MTUS1: variants seen among roughly 807,000 people sequenced by gnomAD.
The protein encoded by MTUS1 is microtubule-associated tumor suppressor 1.
MTUS1 carries 109 observed loss-of-function variants against 120.8 expected under a neutral mutation model. The observed-to-expected ratio is 0.90, with a 90% CI of 0.77 to 1.06. The LOEUF is 1.06. MTUS1 is among the 50% of genes least tolerant of loss of function. The probability of loss-of-function intolerance (pLI) is 0.00; values close to 1 mark genes in which losing one functional copy is unlikely to be tolerated. For synonymous variants in MTUS1, 737 were observed against 550.5 expected, an observed-to-expected ratio of 1.34 and a Z score of -4.74; for missense variants, 2,210 against 1,486.3, an observed-to-expected ratio of 1.49 and a Z score of -8.01.
intron 6 of MTUS1, among the ~76,000 whole-genome samples, chr8:17,708,293 T>A (rs1319957367): frequency 6.6e-6 from 1 of 152,220 alleles, no homozygotes; most frequent in Non-Finnish European, 1.5e-5. Context: ...GGCAAATGAT[T>A]TGAATAGACA....
Position 17,723,802 on chromosome 8 carries a change from C to A in MTUS1, c.2319G>T (p.Ser773=). The change falls in exon 4 of 15, where the codon TCG becomes TCT. Residue 773 remains serine (S), a synonymous_variant. Transcript: ENST00000693296. The part of the protein sequence containing the change: ...GKPTSLKTAQ[S]SWVNLPRPLP... Reference sequence around the variant, plus strand: ...GTGGTCTAGGCAAATTCACCCATGACGACTGTGCAGTTTTCAAGGATGTAG... The same window carrying A: ...GTGGTCTAGGCAAATTCACCCATGAAGACTGTGCAGTTTTCAAGGATGTAG... 1 of 1,603,088 alleles carries A rather than the reference C, an allele frequency of 6.2e-7. No individual in the cohort carries two copies. The highest frequency in any genetic ancestry group is 8.5e-7 in the Non-Finnish European group (1 of 1,174,254).
intron 2 of MTUS1, among the ~76,000 whole-genome samples, chr8:17,749,610 G>A (rs187193322): frequency 2.7e-5 from 4 of 146,460 alleles, no homozygotes; most frequent in East Asian, 2.0e-4. Context: ...GCAGTGAGCC[G>A]AGAGATCACA....
chr8:17,744,873 G>A (rs2047626033), intron 2 of MTUS1, among the ~76,000 whole-genome samples: 1 of 151,880 alleles, frequency 6.6e-6, no homozygotes, highest in African/African-American at 2.4e-5. Flanking sequence ...GTAAATCTTT[G>A]AATCCACCTA....
intron 12 of MTUS1, among the ~76,000 whole-genome samples, chr8:17,652,500 A>G (rs1344796332): frequency 6.6e-6 from 1 of 151,988 alleles, no homozygotes; most frequent in African/African-American, 2.4e-5. Flanking sequence ...AATTTGGGGG[A>G]ATGGGGAGTG....
At position 17,656,085 on chromosome 8, in the gene MTUS1, A is replaced by T; in HGVS notation, c.2906-20T>A. The T allele has an allele frequency of 6.2e-7, 1 of 1,607,008 alleles. No homozygotes were observed. The highest frequency in any genetic ancestry group is 1.7e-4 in the Middle Eastern group (1 of 6,048). ...CAGTGACTGAAAACAGAGGAGAAAG[A>T]AGAGGGAAGAGGTCATTTTATTTGT... On this transcript the variant is annotated intron_variant, in intron 8 of 14. Coordinates refer to ENST00000693296, the MANE Select transcript of MTUS1 (RefSeq NM_001363059.2).
intron 8 of MTUS1, among the ~76,000 whole-genome samples, chr8:17,662,982 A>G (rs1810093737): frequency 2.0e-5 from 3 of 152,066 alleles, no homozygotes; most frequent in Admixed American, 6.6e-5. Flanking sequence ...CAGTATTTTC[A>G]CTCTGCAATG....
chr8:17,681,319 C>T (rs908274984), intron 7 of MTUS1, among the ~76,000 whole-genome samples: 2 of 152,134 alleles, frequency 1.3e-5, no homozygotes, highest in Non-Finnish European at 2.9e-5. Flanking sequence ...TAAAACCGAC[C>T]TGAACATGTA....
At chr8:17,740,278 T>A (rs2047216411) in intron 3 of MTUS1, among the ~76,000 whole-genome samples, 2 of 152,172 alleles carry the variant, frequency 1.3e-5, no homozygotes, top group South Asian at 4.1e-4. Context: ...CCTTCTCACA[T>A]TCATTTTAAA....
At chr8:17,714,966 C>T (rs1326148998) in intron 5 of MTUS1, among the ~76,000 whole-genome samples, 4 of 122,294 alleles carry the variant, frequency 3.3e-5, no homozygotes, top group African/African-American at 6.3e-5. Context: ...AGTGCAGTGG[C>T]GCGATCTCGG....
intron 1 of MTUS1, among the ~76,000 whole-genome samples, chr8:17,767,706 A>AAAAAAAAAAAAAAACAAACAAACAAAC (rs1563357967): frequency 1.3e-4 from 19 of 150,808 alleles, no homozygotes; most frequent in African/African-American, 4.4e-4. Flanking sequence ...CTCTTAAAAA[A>AAAAAAAAAAAAAAACAAACAAACAAAC]AAAAAAAAAA....
At chr8:17,680,462 C>T (rs557018327) in intron 7 of MTUS1, among the ~76,000 whole-genome samples, 4,653 of 92,072 alleles carry the variant, frequency 0.051, 289 homozygotes, top group East Asian at 0.21. Flanking sequence ...AGGCCACTGT[C>T]GCAAAAAAAA....
At chr8:17,680,941 C>CTT (rs148648178) in intron 7 of MTUS1, among the ~76,000 whole-genome samples, 1 of 149,156 alleles carries the variant, frequency 6.7e-6, no homozygotes, top group Admixed American at 6.7e-5. Flanking sequence ...TGCTTTTTTT[C>CTT]TTTTTTTTTT....
chr8:17,778,084 T>G (rs385139), intron 1 of MTUS1, among the ~76,000 whole-genome samples: 5 of 151,980 alleles, frequency 3.3e-5, no homozygotes, highest in African/African-American at 1.2e-4. Context: ...GTTATTAAAC[T>G]AGGAAGAAAA....
chr8:17,660,124 G>A (rs930226284), intron 8 of MTUS1, among the ~76,000 whole-genome samples: 3 of 152,150 alleles, frequency 2.0e-5, no homozygotes, highest in African/African-American at 7.2e-5. Context: ...TGTAATCCCA[G>A]CATTTTGGGA....
At chr8:17,676,460 G>A in intron 7 of MTUS1, 1 of 635,416 alleles carries the variant, frequency 1.6e-6, no homozygotes, top group Non-Finnish European at 2.9e-6. Flanking sequence ...TGGCCCTCGG[G>A]CGTCTTACTT....
intron 12 of MTUS1, among the ~76,000 whole-genome samples, chr8:17,652,377 G>A (rs1484209205): frequency 6.6e-6 from 1 of 152,128 alleles, no homozygotes; most frequent in African/African-American, 2.4e-5. Flanking sequence ...CTAAGTAAAC[G>A]ACGCCAGTCT....
chr8:17,648,073 T>C (rs1397905440), intron 13 of MTUS1, among the ~76,000 whole-genome samples: 1 of 152,176 alleles, frequency 6.6e-6, no homozygotes, highest in Non-Finnish European at 1.5e-5. Flanking sequence ...AACCTGGAAT[T>C]TGAGATTGGG....
At chr8:17,768,654 C>T (rs901631668) in intron 1 of MTUS1, among the ~76,000 whole-genome samples, 4 of 151,956 alleles carry the variant, frequency 2.6e-5, no homozygotes, top group Admixed American at 2.0e-4. Context: ...GCAATTAGAA[C>T]ATTTTTATAC....
At chr8:17,771,633 T>C (rs754052396) in intron 1 of MTUS1, among the ~76,000 whole-genome samples, 15 of 152,190 alleles carry the variant, frequency 9.9e-5, no homozygotes, top group African/African-American at 1.9e-4. Context: ...ACACCTGAAA[T>C]GCATGCCAAG....
Sources: gnomAD v4.1 joint callset for allele counts (sites outside exome capture counted in the v4.1 genomes callset) on GRCh38, gnomAD v4.1.1 for gene constraint, MANE v1.5 for transcripts, NCBI Gene and HGNC (gene_info 2026-07-23, HGNC 2026-07-21) for gene names.